TMEM72: variants seen among roughly 807,000 people sequenced by gnomAD.
The protein encoded by TMEM72 is kidney-specific secretory protein of 37 kDa.
In TMEM72, 9 loss-of-function variants were observed where a neutral mutation model predicts 16.3. The observed-to-expected ratio is 0.55, with a 90% CI of 0.33 to 0.96. The LOEUF (loss-of-function observed/expected upper bound fraction) is 0.96. TMEM72 is among the 40% of genes least tolerant of loss of function. The pLI, the probability that TMEM72 is intolerant of heterozygous loss-of-function variation, is 0.03. For synonymous variants in TMEM72, 160 were observed against 146.5 expected, an observed-to-expected ratio of 1.09 and a Z score of -0.66; for missense variants, 324 against 337.8, an observed-to-expected ratio of 0.96 and a Z score of 0.32.
At chr10:44,918,623 T>C (rs766192889) in intron 1 of TMEM72, among the ~76,000 whole-genome samples, 2 of 152,180 alleles carry the variant, frequency 1.3e-5, no homozygotes, top group Non-Finnish European at 2.9e-5. Flanking sequence ...TATATCATAA[T>C]CAAGTGGAGT....
chr10:44,919,782 T>G (rs1249477903), intron 1 of TMEM72: 3 of 152,266 alleles, frequency 2.0e-5, no homozygotes, highest in Non-Finnish European at 4.4e-5. Context: ...ATATCTGCCA[T>G]GAAATCCTTC....
At chr10:44,926,792 C>T (rs1840201614) in intron 1 of TMEM72, among the ~76,000 whole-genome samples, 1 of 150,514 alleles carries the variant, frequency 6.6e-6, no homozygotes, top group East Asian at 2.1e-4. Context: ...GATCGCCCCT[C>T]CCACCCCCCA....
rs577027172 is a variant in TMEM72, at chr10:44,928,277, C to T, written c.137+290C>T. On this transcript the variant is annotated intron_variant, in intron 2 of 4. Coordinates refer to ENST00000389583, the MANE Select transcript of TMEM72 (RefSeq NM_001123376.3). ...ATTCGTCAGCCCACCCATCCATCCA[C>T]TCACCCACCAATCTATTCATGCACC... is the stretch of plus-strand genomic sequence containing the variant. Among the ~76,000 whole-genome samples, 214 of 150,348 alleles carry T rather than the reference C, an allele frequency of 1.4e-3. 1 individual carries two copies. Among genetic ancestry groups the T allele is most frequent in the Non-Finnish European group, 1.4e-3 (92 of 67,464 alleles).
chr10:44,930,082 AC>A lies in TMEM72; in HGVS notation c.138-1913del, dbSNP rs1160672038. Among the ~76,000 whole-genome samples, 18 of 151,136 alleles carry A rather than the reference AC, an allele frequency of 1.2e-4. No individual in the cohort carries two copies. The South Asian group carries it at 3.6e-3, about 30-fold the overall frequency. Reference sequence around the variant, plus strand: ...GAATGCAGGCTGCCTTCTGCCCAGAACCCTGTTTTGTCTCTGTTTTGAGGGG... The same window carrying A: ...GAATGCAGGCTGCCTTCTGCCCAGAACCTGTTTTGTCTCTGTTTTGAGGGG... On this transcript the variant is annotated intron_variant, in intron 2 of 4. Coordinates refer to ENST00000389583, the MANE Select transcript of TMEM72 (RefSeq NM_001123376.3).
At chr10:44,914,606 C>T (rs950211438) in intron 1 of TMEM72, among the ~76,000 whole-genome samples, 1 of 152,232 alleles carries the variant, frequency 6.6e-6, no homozygotes, top group African/African-American at 2.4e-5. Context: ...CTGTCCATCC[C>T]TCAAAGCAGG....
intron 1 of TMEM72, among the ~76,000 whole-genome samples, chr10:44,921,128 G>A (rs1840091347): frequency 6.6e-6 from 1 of 152,216 alleles, no homozygotes; most frequent in Non-Finnish European, 1.5e-5. Flanking sequence ...GGCCCACACA[G>A]GAGGGACAGA....
At chr10:44,929,435 A>G (rs1256364775) in intron 2 of TMEM72, among the ~76,000 whole-genome samples, 1 of 152,180 alleles carries the variant, frequency 6.6e-6, no homozygotes, top group Non-Finnish European at 1.5e-5. Context: ...TTCTGCCTAC[A>G]GGGTCCACCA....
Position 44,934,747 on chromosome 10 carries a change from G to A in TMEM72, c.441G>A (p.Glu147=), listed in dbSNP as rs1564439905. The A allele has an allele frequency of 3.7e-6, 6 of 1,613,618 alleles. No individual in the cohort carries two copies. The highest frequency in any genetic ancestry group is 2.2e-5 in the East Asian group (1 of 44,864). The part of the protein sequence containing the change: ...KAAPEVLASP[E]QYTDPSSSAV... ...CCCCCGAGGTGCTGGCCTCCCCAGA[G>A]CAGTACACAGACCCCTCTAGCAGCG... Residue 147 remains glutamate, a synonymous_variant, in exon 5 of 5, where the codon GAG becomes GAA. Coordinates refer to ENST00000389583, the MANE Select transcript of TMEM72 (RefSeq NM_001123376.3).
intron 2 of TMEM72, among the ~76,000 whole-genome samples, chr10:44,931,529 C>T (rs1479137462): frequency 6.6e-6 from 1 of 152,170 alleles, no homozygotes; most frequent in Non-Finnish European, 1.5e-5. Flanking sequence ...TGAACCCAGG[C>T]AATGCCCATG....
chr10:44,921,619 G>C (rs1840099636), intron 1 of TMEM72, among the ~76,000 whole-genome samples: 1 of 152,194 alleles, frequency 6.6e-6, no homozygotes, highest in Admixed American at 6.5e-5. Flanking sequence ...GTAATGCCCT[G>C]GGGGTATCTG....
intron 2 of TMEM72, 77 bp from the exon 3 acceptor site, chr10:44,931,921 C>A: frequency 6.9e-7 from 1 of 1,445,590 alleles, no homozygotes; most frequent in Non-Finnish European, 9.5e-7. Flanking sequence ...GTCAGGAGGC[C>A]ACGTGTGAGA....
rs755512615 is a variant in TMEM72 at position 44,935,150 on chromosome 10, T to G, written c.*16T>G. ...CCTGTTCTGAGCGCTTGCTCCAGCC[T>G]GGAGGACGCTCAGTGAGGGGTCTAC... is the stretch of plus-strand genomic sequence containing the variant. On this transcript the variant is annotated 3_prime_UTR_variant, in exon 5 of 5. Coordinates refer to ENST00000389583, the MANE Select transcript of TMEM72 (RefSeq NM_001123376.3). The G allele has an allele frequency of 1.3e-6, 2 of 1,548,788 alleles. No individual in the cohort carries two copies. The highest frequency in any genetic ancestry group is 2.7e-5 in the African/African-American group (2 of 73,158).
At chr10:44,931,224 C>T (rs1840290167) in intron 2 of TMEM72, among the ~76,000 whole-genome samples, 1 of 152,222 alleles carries the variant, frequency 6.6e-6, no homozygotes, top group Non-Finnish European at 1.5e-5. Flanking sequence ...GTCAAGGGAA[C>T]ATGGAGGATA....
chr10:44,929,897 C>A (rs1027692663), intron 2 of TMEM72, among the ~76,000 whole-genome samples: 1 of 152,284 alleles, frequency 6.6e-6, no homozygotes, highest in African/African-American at 2.4e-5. Context: ...GAGCCTGGAG[C>A]CCCTGCTGGC....
At chr10:44,916,640 AT>A (rs1840017806) in intron 1 of TMEM72, among the ~76,000 whole-genome samples, 1 of 151,980 alleles carries the variant, frequency 6.6e-6, no homozygotes, top group Non-Finnish European at 1.5e-5. Flanking sequence ...CTCGCAAGAG[AT>A]TTATCACCCA....
rs1202945127 is a variant in TMEM72, at chr10:44,934,850, C to T, written c.544C>T (p.Leu182Phe). The T allele has an allele frequency of 1.2e-6, 2 of 1,613,614 alleles. No individual in the cohort carries two copies. Among genetic ancestry groups the T allele is most frequent in the South Asian group, 2.2e-5 (2 of 91,054 alleles). Residue 182 changes from leucine to phenylalanine, a missense_variant, in exon 5 of 5, where the codon CTT becomes TTT. By Grantham distance (22) the Leu-to-Phe change is conservative (BLOSUM62 0). Transcript: ENST00000389583. Reference protein sequence around the residue: ...HGALKEGPSSLFIHMKSILKG... With the variant: ...HGALKEGPSSFFIHMKSILKG... ...GGCCCTCAAGGAGGGGCCCAGCTCC[C>T]TTTTCATCCACATGAAGAGTATCCT...
At chr10:44,920,431 T>C (rs781707541) in intron 1 of TMEM72, among the ~76,000 whole-genome samples, 16 of 152,314 alleles carry the variant, frequency 1.1e-4, no homozygotes, top group African/African-American at 1.9e-4. Flanking sequence ...CTCAGGAACA[T>C]GCTGGCCTGA....
Position 44,911,447 on chromosome 10 carries a change from G to A in TMEM72, c.-66G>A, listed in dbSNP as rs1466721104. 7.9e-6 allele frequency: 12 copies of A among 1,509,652 alleles called. No homozygotes were observed. In the Admixed American group the frequency reaches 2.2e-4, roughly 27 times the overall value. 93.5% of individuals were successfully genotyped at this position (1,509,652 alleles called of 1,614,324 possible). ...CCTCCTACCTACACAAGGGTGTTCG[G>A]GAGCATCTCAGGGCCGAAGACTTTG... is the stretch of plus-strand genomic sequence containing the variant. On this transcript the variant is annotated 5_prime_UTR_variant, in exon 1 of 5. Transcript: ENST00000389583.
intron 1 of TMEM72, among the ~76,000 whole-genome samples, chr10:44,923,504 A>G (rs1840136894): frequency 6.6e-6 from 1 of 152,158 alleles, no homozygotes; most frequent in Admixed American, 6.5e-5. Context: ...CAGCAAAACC[A>G]TTCTTAGCCA....
Sources: allele counts gnomAD v4.1 joint callset (sites outside exome capture counted in the v4.1 genomes callset), GRCh38; gene constraint gnomAD v4.1.1; transcripts MANE v1.5; gene names NCBI Gene and HGNC (gene_info 2026-07-23, HGNC 2026-07-21).